RSL1D1: variants seen among roughly 807,000 people sequenced by gnomAD.
The protein encoded by RSL1D1 is ribosomal L1 domain containing 1.
In RSL1D1, 34 loss-of-function variants were observed where a neutral mutation model predicts 44.6. The ratio of observed to expected loss-of-function variants is 0.76; its 90% CI spans 0.58 to 1.02. The LOEUF (loss-of-function observed/expected upper bound fraction) is 1.02, where lower values mean the gene tolerates loss of function less well. RSL1D1 is among the 50% of genes least tolerant of loss of function. RSL1D1 has a pLI of 0.00. For synonymous variants in RSL1D1, 271 were observed against 207.4 expected, an observed-to-expected ratio of 1.31 and a Z score of -2.63; for missense variants, 767 against 568.1, an observed-to-expected ratio of 1.35 and a Z score of -3.56.
At chr16:11,839,670 T>A in intron 8 of RSL1D1, 25 bp downstream of exon 8, 1 of 1,612,000 alleles carries the variant, frequency 6.2e-7, no homozygotes, top group East Asian at 2.2e-5. Context: ...CAATCCATTA[T>A]GAACAGTAAA....
chr16:11,849,663 A>G (rs769407037), intron 2 of RSL1D1, among the ~76,000 whole-genome samples: 3 of 152,180 alleles, frequency 2.0e-5, no homozygotes, highest in Non-Finnish European at 2.9e-5. Flanking sequence ...ACATGGAAAG[A>G]TAACAGTTTC....
intron 7 of RSL1D1, 111 bp from the exon 8 acceptor site, chr16:11,840,096 T>G: frequency 6.8e-7 from 1 of 1,469,494 alleles, no homozygotes; most frequent in Non-Finnish European, 9.0e-7. Flanking sequence ...TAAATGGACC[T>G]CGATCTATAC....
At chr16:11,850,493 T>C (rs1028827659) in intron 1 of RSL1D1, 75 bp from the exon 2 acceptor site, 1 of 1,489,512 alleles carries the variant, frequency 6.7e-7, no homozygotes, top group Non-Finnish European at 9.0e-7. Flanking sequence ...ATGTTCTCAA[T>C]CTAATTTAGC....
Position 11,841,692 on chromosome 16 carries a change from A to G in RSL1D1, c.855+3T>C, listed in dbSNP as rs1423830987. On this transcript the variant is annotated splice_donor_region_variant and intron_variant, in intron 7 of 8. Transcript: ENST00000571133. ...TTCTGTAAGTATTTAAAATTCTACT[A>G]ACTTTTTTCTTCTTATTAAGCAAAG... The G allele has an allele frequency of 2.5e-6, 4 of 1,609,084 alleles. No individual in the cohort carries two copies. The highest frequency in any genetic ancestry group is 3.4e-6 in the Non-Finnish European group (4 of 1,178,012).
intron 1 of RSL1D1, 164 bp downstream of exon 1, chr16:11,851,244 C>A: frequency 2.9e-6 from 2 of 698,296 alleles, no homozygotes; most frequent in South Asian, 3.1e-5. Context: ...CAGGCGCCCA[C>A]CCACGTGTGT....
Position 11,848,981 on chromosome 16 carries a change from T to C in RSL1D1, c.246-1175A>G, listed in dbSNP as rs1353966422. Among the ~76,000 whole-genome samples, 12 of 151,982 alleles carry C rather than the reference T, an allele frequency of 7.9e-5. 1 individual carries two copies. Among genetic ancestry groups the C allele is most frequent in the Admixed American group, 7.9e-4 (12 of 15,232 alleles). The stretch of plus-strand genomic sequence containing the variant: ...TTAGGAGACATGGGATTTCGCCATG[T>C]TGGGTCAGGATGATCTCAAACTCCC... On this transcript the variant is annotated intron_variant, in intron 2 of 8. Transcript: ENST00000571133.
rs889150750 is a variant in RSL1D1 at position 11,837,502 on chromosome 16, C to T, written c.*285G>A. 1 of 258,306 alleles carries T rather than the reference C, an allele frequency of 3.9e-6. No individual in the cohort carries two copies. The highest frequency in any genetic ancestry group is 7.4e-6 in the Non-Finnish European group (1 of 134,560). The allele number at this position is 258,306 out of a possible 1,614,324, so 16.0% of individuals were successfully genotyped here. The stretch of plus-strand genomic sequence containing the variant: ...AGTAGCTGGGATTACAGGTGTCCAC[C>T]ACCATGCCCAATTAATTTTTGTATT... On this transcript the variant is annotated 3_prime_UTR_variant, in exon 9 of 9. Coordinates refer to ENST00000571133, the MANE Select transcript of RSL1D1 (RefSeq NM_015659.3).
In RSL1D1 at chr16:11,836,229, C is replaced by A. The variant is rs1287964764; in HGVS notation, c.*1558G>T. ...TCACAGCCTCCACCATCCCGATGGT[C>A]TGCTGGTCCTACTTCTCTCTCAAAC... On this transcript the variant is annotated 3_prime_UTR_variant, in exon 9 of 9. Coordinates refer to ENST00000571133, the MANE Select transcript of RSL1D1 (RefSeq NM_015659.3). 6.6e-6 allele frequency: 1 copy of A among 152,210 alleles called. No individual in the cohort carries two copies. The highest frequency in any genetic ancestry group is 1.5e-5 in the Non-Finnish European group (1 of 68,050). 9.4% of individuals were successfully genotyped at this position (152,210 alleles called of 1,614,324 possible).
At chr16:11,846,172 C>T (rs964059223) in intron 5 of RSL1D1, among the ~76,000 whole-genome samples, 63 of 151,668 alleles carry the variant, frequency 4.2e-4, no homozygotes, top group African/African-American at 1.3e-3. Context: ...GCGGGCGGAT[C>T]ATGAGGTCAG....
In RSL1D1 at chr16:11,838,064, G is replaced by C; in HGVS notation, c.1196C>G (p.Pro399Arg). The C allele has an allele frequency of 1.2e-6, 2 of 1,600,470 alleles. No homozygotes were observed. Among genetic ancestry groups the C allele is most frequent in the Non-Finnish European group, 1.7e-6 (2 of 1,176,900 alleles). Residue 399 changes from proline to arginine, a missense_variant, in exon 9 of 9, where the codon CCC becomes CGC. Pro to Arg is a moderately radical substitution (Grantham distance 103). Transcript: ENST00000571133. ...TCTTTTCTTCCCACGAGGTGTGCTG[G>C]GATTAGGACTCTTTGCTGGAGACTT... ...GKKSPAKSPN[P>R]STPRGKKRKA...
In RSL1D1 at chr16:11,839,717, G is replaced by A. The variant is rs767523103; in HGVS notation, c.1124C>T (p.Thr375Ile). ...TACCTCTACTTTTTCATTAGCTGGA[G>A]TCTTCTTTCCTATTGGTACCAGCTG... ...IPQLVPIGKK[T>I]PANEKVEIQK... Residue 375 changes from threonine to isoleucine, a missense_variant, in exon 8 of 9, where the codon ACT becomes ATT. Transcript: ENST00000571133. The A allele has an allele frequency of 3.1e-6, 5 of 1,613,648 alleles. No individual in the cohort carries two copies. The East Asian group carries it at 6.7e-5, about 22-fold the overall frequency.
intron 7 of RSL1D1, 98 bp from the exon 8 acceptor site, chr16:11,840,083 C>G (rs1455280310): frequency 2.0e-6 from 3 of 1,510,310 alleles, no homozygotes; most frequent in Non-Finnish European, 2.6e-6. Context: ...ATCCATAAGC[C>G]CCTAAATGGA....
At chr16:11,846,336 A>G (rs1324895628) in intron 5 of RSL1D1, among the ~76,000 whole-genome samples, 165 bp downstream of exon 5, 1 of 151,034 alleles carries the variant, frequency 6.6e-6, no homozygotes, top group Non-Finnish European at 1.5e-5. Flanking sequence ...CGGAGCTTGC[A>G]GTGAGTCGAG....
chr16:11,838,797 C>T (rs1317181105), intron 8 of RSL1D1, among the ~76,000 whole-genome samples: 1 of 146,134 alleles, frequency 6.8e-6, no homozygotes, highest in African/African-American at 2.6e-5. Flanking sequence ...GTGGAGGTTG[C>T]TGTGAGCCGA....
At chr16:11,838,994 A>G (rs1567417508) in intron 8 of RSL1D1, among the ~76,000 whole-genome samples, 1 of 152,222 alleles carries the variant, frequency 6.6e-6, no homozygotes, top group Non-Finnish European at 1.5e-5. Context: ...ACATGGGAGC[A>G]AATCCTGAGT....
intron 5 of RSL1D1, among the ~76,000 whole-genome samples, chr16:11,845,406 C>A (rs569155353): frequency 2.0e-5 from 3 of 152,282 alleles, no homozygotes; most frequent in Admixed American, 2.0e-4. Context: ...TGAACTGTGA[C>A]TGCACCACTG....
chr16:11,850,862 G>T (rs561049683), intron 1 of RSL1D1: 1 of 171,100 alleles, frequency 5.8e-6, no homozygotes, highest in Non-Finnish European at 1.3e-5. Context: ...CCTAATTTTT[G>T]TATTTTTAGT....
Position 11,837,875 on chromosome 16 carries a change from A to T in RSL1D1, c.1385T>A (p.Phe462Tyr). The T allele has an allele frequency of 6.2e-7, 1 of 1,613,838 alleles. No homozygotes were observed. Among genetic ancestry groups the T allele is most frequent in the Non-Finnish European group, 8.5e-7 (1 of 1,179,974 alleles). The change falls in exon 9 of 9, where the codon TTT (phenylalanine) becomes TAT (tyrosine). Residue 462 changes from phenylalanine to tyrosine, a missense_variant. Coordinates refer to ENST00000571133, the MANE Select transcript of RSL1D1 (RefSeq NM_015659.3). ...CACAGATTTACTAGGAGTGGTGAAA[A>T]ACTTGGCCTCTGGCTTTTTTGGAGT... is the stretch of plus-strand genomic sequence containing the variant. ...RQTPKKPEAK[F>Y]FTTPSKSVRK...
At chr16:11,846,150 TG>T (rs2053796117) in intron 5 of RSL1D1, among the ~76,000 whole-genome samples, 1 of 151,478 alleles carries the variant, frequency 6.6e-6, no homozygotes, top group Non-Finnish European at 1.5e-5. Flanking sequence ...CCCAGCACTT[TG>T]GGAGGCCAAG....
Sources: gnomAD v4.1 joint callset for allele counts (sites outside exome capture counted in the v4.1 genomes callset) on GRCh38, gnomAD v4.1.1 for gene constraint, MANE v1.5 for transcripts, NCBI Gene and HGNC (gene_info 2026-07-23, HGNC 2026-07-21) for gene names.